PCDH15: variants seen among roughly 807,000 people sequenced by gnomAD.
PCDH15 encodes protocadherin-15.
A neutral mutation model predicts 178.5 loss-of-function variants in PCDH15; 129 were observed. The ratio of observed to expected loss-of-function variants is 0.72; its 90% CI spans 0.63 to 0.84. The LOEUF (loss-of-function observed/expected upper bound fraction) is 0.84, where lower values mean the gene tolerates loss of function less well. Among genes scored for constraint, PCDH15 ranks in the 40% least tolerant of loss-of-function variants. PCDH15 has a pLI of 0.00. For synonymous variants in PCDH15, 800 were observed against 732.0 expected (o/e 1.09, Z -1.50); for missense variants, 2,230 against 2,099.9 (o/e 1.06, Z -1.21).
chr10:55,352,801 T>G (rs1405153559), intron 2 of PCDH15, among the ~76,000 whole-genome samples: 1 of 152,012 alleles, frequency 6.6e-6, no homozygotes, highest in African/African-American at 2.4e-5. Context: ...GAGAAGAAGC[T>G]CCAAAGCACT....
intron 30 of PCDH15, among the ~76,000 whole-genome samples, chr10:53,829,349 T>C (rs2076887525): frequency 2.6e-5 from 4 of 152,204 alleles, no homozygotes; most frequent in Admixed American, 1.3e-4. Flanking sequence ...CAAGTATTTG[T>C]TGTATTTCAG....
chr10:55,549,031 A>G (rs1841949682), intron 2 of PCDH15, among the ~76,000 whole-genome samples: 1 of 152,198 alleles, frequency 6.6e-6, no homozygotes, highest in African/African-American at 2.4e-5. Flanking sequence ...ATAAAAATAT[A>G]TTAACATAAC....
intron 2 of PCDH15, among the ~76,000 whole-genome samples, chr10:54,622,681 AT>A (rs2093413576): frequency 3.1e-5 from 3 of 98,222 alleles, no homozygotes; most frequent in African/African-American, 1.3e-4. Flanking sequence ...TATATAATAT[AT>A]ATTATATAAT....
chr10:54,998,315 C>G (rs907582081), intron 2 of PCDH15, among the ~76,000 whole-genome samples: 1 of 151,840 alleles, frequency 6.6e-6, no homozygotes, highest in African/African-American at 2.4e-5. Context: ...CATGGCCACT[C>G]CAGCATGGCA....
At chr10:54,094,660 C>G (rs1376253999) in intron 15 of PCDH15, among the ~76,000 whole-genome samples, 1 of 152,114 alleles carries the variant, frequency 6.6e-6, no homozygotes, top group Non-Finnish European at 1.5e-5. Context: ...TTTTGGATAG[C>G]TGGCAAGTAA....
In PCDH15 at chr10:54,225,789, C is replaced by T. The variant is rs529145972; in HGVS notation, c.985+11034G>A. Among the ~76,000 whole-genome samples the T allele has an allele frequency of 5.3e-5, 8 of 152,306 alleles. No homozygotes were observed. In the East Asian group the frequency reaches 1.2e-3, roughly 22 times the overall value. On this transcript the variant is annotated intron_variant, in intron 9 of 37. Transcript: ENST00000644397. The stretch of plus-strand genomic sequence containing the variant: ...GGGGCATAGACCCATGCTATTACCA[C>T]TCCTATTCAAACTTTATATTTATTT...
chr10:54,721,242 TA>T (rs1191238720), intron 1 of PCDH15, among the ~76,000 whole-genome samples: 12 of 151,824 alleles, frequency 7.9e-5, no homozygotes, highest in Admixed American at 6.6e-4. Flanking sequence ...AGAAAAGTAC[TA>T]AAGGCAAAGT....
chr10:54,276,640 T>C (rs1030674427), intron 8 of PCDH15, among the ~76,000 whole-genome samples: 1 of 147,170 alleles, frequency 6.8e-6, no homozygotes, highest in Non-Finnish European at 1.5e-5. Flanking sequence ...AAAATCTATA[T>C]AAGAATGTAT....
chr10:54,351,823 T>C, intron 5 of PCDH15, among the ~76,000 whole-genome samples: 1 of 152,188 alleles, frequency 6.6e-6, no homozygotes, highest in East Asian at 1.9e-4. Context: ...CTTCCCATGC[T>C]CTTGCCAGTT....
chr10:55,478,994 C>A (rs1840118226), intron 2 of PCDH15, among the ~76,000 whole-genome samples: 1 of 146,660 alleles, frequency 6.8e-6, no homozygotes, highest in Admixed American at 6.8e-5. Flanking sequence ...AAATCAGTAA[C>A]AAAGAGTCTC....
intron 1 of PCDH15, among the ~76,000 whole-genome samples, chr10:55,318,898 C>A (rs998489170): frequency 6.6e-6 from 1 of 152,024 alleles, no homozygotes; most frequent in African/African-American, 2.4e-5. Context: ...TTTTTTCTGG[C>A]AAATCATAAC....
At chr10:55,199,873 C>T (rs900822733) in intron 1 of PCDH15, among the ~76,000 whole-genome samples, 4 of 152,072 alleles carry the variant, frequency 2.6e-5, no homozygotes, top group South Asian at 2.1e-4. Context: ...GTTGGGCCTT[C>T]GGGTGCACAG....
At chr10:54,448,668 T>C (rs1298266144) in intron 3 of PCDH15, among the ~76,000 whole-genome samples, 1 of 151,710 alleles carries the variant, frequency 6.6e-6, no homozygotes, top group Non-Finnish European at 1.5e-5. Context: ...AGCTGTAAGT[T>C]ACAACAATAT....
At chr10:54,439,591 T>TG (rs1565280147) in intron 3 of PCDH15, among the ~76,000 whole-genome samples, 2 of 144,420 alleles carry the variant, frequency 1.4e-5, no homozygotes, top group African/African-American at 5.8e-5. Flanking sequence ...TTGGAAGCAG[T>TG]GGGGAAAAAA....
In PCDH15 at chr10:54,240,877, C is replaced by T. The variant is rs544552705; in HGVS notation, c.877-3946G>A. Among the ~76,000 whole-genome samples, 45 of 152,034 alleles carry T rather than the reference C, an allele frequency of 3.0e-4. 3 individuals carry two copies. In the South Asian group the frequency reaches 8.9e-3, roughly 30 times the overall value. On this transcript the variant is annotated intron_variant, in intron 8 of 37. Transcript: ENST00000644397. ...GGATCTCTTGACCTCGTGATTCACC[C>T]GCCTTGGCCTCCCAAAGTGCTGGGA...
chr10:54,328,184 A>G (rs1938600473), intron 7 of PCDH15, among the ~76,000 whole-genome samples: 1 of 132,264 alleles, frequency 7.6e-6, no homozygotes, highest in South Asian at 2.4e-4. Flanking sequence ...TGATCTTTAT[A>G]CTATTTCCCC....
At chr10:53,900,567 G>T (rs1021609855) in intron 26 of PCDH15, among the ~76,000 whole-genome samples, 2 of 151,940 alleles carry the variant, frequency 1.3e-5, no homozygotes, top group South Asian at 2.1e-4. Flanking sequence ...CCAAACTTTC[G>T]CCAGAATCCC....
chr10:53,936,973 A>G (rs540112814), intron 25 of PCDH15, among the ~76,000 whole-genome samples: 1 of 152,250 alleles, frequency 6.6e-6, no homozygotes, highest in East Asian at 1.9e-4. Context: ...ATGGGTTTTT[A>G]TTTCAAACTT....
chr10:54,868,131 G>T (rs927432289), intron 3 of PCDH15, among the ~76,000 whole-genome samples: 1 of 152,042 alleles, frequency 6.6e-6, no homozygotes, highest in African/African-American at 2.4e-5. Flanking sequence ...AGGGGGAAAC[G>T]GTTATAGCAA....
Sources: gnomAD v4.1 joint callset for allele counts (sites outside exome capture counted in the v4.1 genomes callset) on GRCh38, gnomAD v4.1.1 for gene constraint, MANE v1.5 for transcripts, NCBI Gene and HGNC (gene_info 2026-07-23, HGNC 2026-07-21) for gene names.